COL23A1: variants seen among roughly 807,000 people sequenced by gnomAD.
The protein encoded by COL23A1 is collagen type XXIII alpha 1 chain.
A neutral mutation model predicts 99.3 loss-of-function variants in COL23A1; 97 were observed. The ratio of observed to expected loss-of-function variants is 0.98; its 90% CI spans 0.83 to 1.16. The LOEUF is 1.16. Among genes scored for constraint, COL23A1 ranks in the 50% most tolerant of loss-of-function variants. The pLI is 0.00. For synonymous variants in COL23A1, 320 were observed against 308.2 expected (o/e 1.04, Z -0.40); for missense variants, 762 against 757.4 (o/e 1.01, Z -0.07).
chr5:178,296,644 A>T (rs765187638), intron 3 of COL23A1, among the ~76,000 whole-genome samples: 8 of 151,866 alleles, frequency 5.3e-5, no homozygotes, highest in Non-Finnish European at 7.4e-5. Context: ...GGTGTGTCTG[A>T]ATCACCCGGC....
Position 178,238,709 on chromosome 5 carries a change from G to T in COL23A1, c.1621-9C>A, listed in dbSNP as rs973920456. On this transcript the variant is annotated splice_polypyrimidine_tract_variant and intron_variant, in intron 28 of 28. Coordinates refer to ENST00000390654, the MANE Select transcript of COL23A1 (RefSeq NM_173465.4). ...GCTGGGCCTGTGGGTCACTGGAAAA[G>T]GAGGAAGAGACTGAAGGTGACGAGG... is the stretch of plus-strand genomic sequence containing the variant. 1.9e-6 allele frequency: 3 copies of T among 1,612,108 alleles called. No individual in the cohort carries two copies. The highest frequency in any genetic ancestry group is 1.3e-5 in the African/African-American group (1 of 74,846).
chr5:178,417,120 C>T (rs142274500), intron 2 of COL23A1, among the ~76,000 whole-genome samples: 32 of 152,298 alleles, frequency 2.1e-4, no homozygotes, highest in Non-Finnish European at 3.5e-4. Flanking sequence ...GTGTCAGCAG[C>T]GTTTGGTCCT....
At chr5:178,467,173 C>T (rs1756468077) in intron 2 of COL23A1, among the ~76,000 whole-genome samples, 1 of 152,216 alleles carries the variant, frequency 6.6e-6, no homozygotes, top group Non-Finnish European at 1.5e-5. Flanking sequence ...GCACAGGGAG[C>T]TAGCTCAGTA....
At chr5:178,501,318 C>T (rs1009939683) in intron 2 of COL23A1, among the ~76,000 whole-genome samples, 9 of 152,218 alleles carry the variant, frequency 5.9e-5, no homozygotes, top group Non-Finnish European at 1.3e-4. Context: ...CACAGTGGCT[C>T]ACGCCTGTAA....
At position 178,239,191 on chromosome 5, in the gene COL23A1, G is replaced by A. The variant is rs1273803538; in HGVS notation, c.1582-12C>T. The A allele has an allele frequency of 1.2e-6, 2 of 1,614,010 alleles. No homozygotes were observed. The highest frequency in any genetic ancestry group is 1.6e-4 in the Middle Eastern group (1 of 6,062). ...AGCCCGTCGGGGCCCTGGAAAGGAA[G>A]AAGGTTTCAGTGATGGGGATGGGGC... On this transcript the variant is annotated splice_polypyrimidine_tract_variant and intron_variant, in intron 27 of 28. Transcript: ENST00000390654.
In COL23A1 at chr5:178,342,405, G is replaced by A. The variant is rs527579102; in HGVS notation, c.362-35486C>T. Reference sequence around the variant, plus strand: ...TTTGCTCCATGTCTTCACCCACCTGGCCTTCACTCATCCGAAGGTGGCCTC... The same window carrying A: ...TTTGCTCCATGTCTTCACCCACCTGACCTTCACTCATCCGAAGGTGGCCTC... On this transcript the variant is annotated intron_variant, in intron 2 of 28. Coordinates refer to ENST00000390654, the MANE Select transcript of COL23A1 (RefSeq NM_173465.4). Among the ~76,000 whole-genome samples, 6 of 152,272 alleles carry A rather than the reference G, an allele frequency of 3.9e-5. No homozygotes were observed. In the East Asian group the frequency reaches 1.2e-3, roughly 29 times the overall value.
At chr5:178,251,909 CTT>C (rs979583837) in intron 17 of COL23A1, among the ~76,000 whole-genome samples, 3 of 59,642 alleles carry the variant, frequency 5.0e-5, no homozygotes, top group African/African-American at 5.4e-5. Context: ...ATTTTCTTTT[CTT>C]TTTTTTTTTT....
At chr5:178,529,907 T>G (rs7713018) in intron 2 of COL23A1, among the ~76,000 whole-genome samples, 32,393 of 152,134 alleles carry the variant, frequency 0.21, 4,284 homozygotes, top group East Asian at 0.61. Flanking sequence ...AGTCTTGTTT[T>G]GTAAGGTAGC....
chr5:178,547,139 A>G (rs1761626202), intron 2 of COL23A1, among the ~76,000 whole-genome samples: 1 of 152,142 alleles, frequency 6.6e-6, no homozygotes, highest in Non-Finnish European at 1.5e-5. Flanking sequence ...GGTATTTCCA[A>G]ACTATTTCCC....
At chr5:178,362,465 C>CTT (rs113085001) in intron 2 of COL23A1, among the ~76,000 whole-genome samples, 6 of 152,012 alleles carry the variant, frequency 3.9e-5, no homozygotes, top group African/African-American at 1.4e-4. Context: ...GCCACTCTCT[C>CTT]TTTTTTTTGC....
chr5:178,522,922 G>C (rs1333831424), intron 2 of COL23A1, among the ~76,000 whole-genome samples: 1 of 151,624 alleles, frequency 6.6e-6, no homozygotes, highest in Non-Finnish European at 1.5e-5. Flanking sequence ...TTAACACAGA[G>C]ATCATTTCGG....
intron 2 of COL23A1, among the ~76,000 whole-genome samples, chr5:178,492,920 C>T (rs980326919): frequency 4.6e-5 from 7 of 152,126 alleles, no homozygotes; most frequent in Non-Finnish European, 1.0e-4. Context: ...CGGGTAATGA[C>T]AGCACTTACC....
intron 8 of COL23A1, among the ~76,000 whole-genome samples, chr5:178,263,671 G>T (rs917994815): frequency 6.6e-6 from 1 of 152,208 alleles, no homozygotes; most frequent in African/African-American, 2.4e-5. Context: ...CTAGAACGGG[G>T]TCTGAGTGTC....
At chr5:178,302,653 T>C (rs1056147539) in intron 3 of COL23A1, among the ~76,000 whole-genome samples, 2 of 152,394 alleles carry the variant, frequency 1.3e-5, no homozygotes, top group South Asian at 4.1e-4. Context: ...TACCCTAGAA[T>C]AAGCTGGAGC....
chr5:178,247,434 C>A, intron 22 of COL23A1, 92 bp downstream of exon 22: 1 of 1,418,242 alleles, frequency 7.1e-7, no homozygotes. Context: ...CAGGGCGGAG[C>A]GTCAGGCCCT....
chr5:178,421,778 A>G (rs924326064), intron 2 of COL23A1, among the ~76,000 whole-genome samples: 3 of 152,218 alleles, frequency 2.0e-5, no homozygotes, highest in African/African-American at 7.2e-5. Flanking sequence ...CTGAGGCATG[A>G]GAATCGCTTG....
intron 1 of COL23A1, among the ~76,000 whole-genome samples, chr5:178,582,417 C>T (rs777591688): frequency 6.6e-6 from 1 of 152,138 alleles, no homozygotes; most frequent in Non-Finnish European, 1.5e-5. Flanking sequence ...CCCCAACACC[C>T]GCCACTGCCC....
At chr5:178,538,766 C>A (rs1471335675) in intron 2 of COL23A1, among the ~76,000 whole-genome samples, 1 of 152,224 alleles carries the variant, frequency 6.6e-6, no homozygotes, top group Non-Finnish European at 1.5e-5. Flanking sequence ...CCCACACACA[C>A]TTGTACAAGA....
intron 2 of COL23A1, among the ~76,000 whole-genome samples, chr5:178,541,621 G>A (rs573687829): frequency 3.3e-5 from 5 of 152,098 alleles, no homozygotes; most frequent in African/African-American, 9.7e-5. Context: ...TATACCTTAC[G>A]CCCAGCAATT....
Sources: allele counts gnomAD v4.1 joint callset (sites outside exome capture counted in the v4.1 genomes callset), GRCh38; gene constraint gnomAD v4.1.1; transcripts MANE v1.5; gene names NCBI Gene and HGNC (gene_info 2026-07-23, HGNC 2026-07-21).